Variants in LHFPL3 observed in about 807,000 individuals in gnomAD.
LHFPL3 encodes the protein LHFPL tetraspan subfamily member 3 protein.
Under a neutral mutation model 19.3 loss-of-function variants are expected in LHFPL3, and 5 were observed. The observed-to-expected ratio is 0.26, with a 90% confidence interval of 0.14 to 0.54. The LOEUF (loss-of-function observed/expected upper bound fraction) is 0.54, where lower values mean the gene tolerates loss of function less well. LHFPL3 is among the 20% of genes least tolerant of loss of function. The pLI, the probability that LHFPL3 is intolerant of heterozygous loss-of-function variation, is 0.94. For missense variants in LHFPL3, 249 were observed against 307.4 expected, an observed-to-expected ratio of 0.81 and a Z score of 1.42; for synonymous variants, 133 against 126.2, an observed-to-expected ratio of 1.05 and a Z score of -0.36.
chr7:104,412,570 G>A (rs1459588483), intron 1 of LHFPL3, among the ~76,000 whole-genome samples: 3 of 151,594 alleles, frequency 2.0e-5, no homozygotes. Context: ...GTAATTTCAG[G>A]GTGCAGGCAC....
chr7:104,656,238 CTTT>C (rs34805214), intron 1 of LHFPL3, among the ~76,000 whole-genome samples: 25 of 149,582 alleles, frequency 1.7e-4, no homozygotes, highest in African/African-American at 4.9e-4. Flanking sequence ...CCACAGAGGA[CTTT>C]TTTTTTTTTT....
intron 2 of LHFPL3, among the ~76,000 whole-genome samples, chr7:104,791,601 G>A (rs1168821583): frequency 6.6e-6 from 1 of 152,106 alleles, no homozygotes; most frequent in Non-Finnish European, 1.5e-5. Flanking sequence ...CAATGTTAAC[G>A]ACTAAAATTT....
chr7:104,583,180 T>C (rs1790495304), intron 1 of LHFPL3, among the ~76,000 whole-genome samples: 1 of 152,116 alleles, frequency 6.6e-6, no homozygotes, highest in South Asian at 2.1e-4. Flanking sequence ...ATCTGATCTT[T>C]GACAAACCTG....
chr7:104,444,749 G>T (rs184015015), intron 1 of LHFPL3, among the ~76,000 whole-genome samples: 1 of 152,278 alleles, frequency 6.6e-6, no homozygotes, highest in Non-Finnish European at 1.5e-5. Context: ...AGCACTTTGG[G>T]AGGCCGAGGC....
At chr7:104,571,084 T>G (rs1790222334) in intron 1 of LHFPL3, among the ~76,000 whole-genome samples, 1 of 152,224 alleles carries the variant, frequency 6.6e-6, no homozygotes. Context: ...AATGTTAATT[T>G]GATTATATTT....
intron 2 of LHFPL3, among the ~76,000 whole-genome samples, chr7:104,807,541 G>T (rs1790386793): frequency 6.6e-6 from 1 of 152,174 alleles, no homozygotes; most frequent in Non-Finnish European, 1.5e-5. Context: ...TGAATTTCGG[G>T]TTGACAAGAG....
At chr7:104,566,058 C>A (rs950158670) in intron 1 of LHFPL3, among the ~76,000 whole-genome samples, 1 of 152,020 alleles carries the variant, frequency 6.6e-6, no homozygotes, top group Non-Finnish European at 1.5e-5. Context: ...CGGAACTCAC[C>A]TTCTCATGGC....
At chr7:104,612,665 C>T (rs1198916100) in intron 1 of LHFPL3, among the ~76,000 whole-genome samples, 1 of 152,104 alleles carries the variant, frequency 6.6e-6, no homozygotes, top group Non-Finnish European at 1.5e-5. Flanking sequence ...CTGAAGACAC[C>T]GGTGCTGAAA....
intron 1 of LHFPL3, among the ~76,000 whole-genome samples, chr7:104,372,233 C>G (rs1385283438): frequency 1.3e-5 from 2 of 152,188 alleles, no homozygotes; most frequent in Non-Finnish European, 2.9e-5. Flanking sequence ...AATGAGGAAA[C>G]TACTTTTTCC....
intron 1 of LHFPL3, among the ~76,000 whole-genome samples, chr7:104,576,903 A>C (rs959861668): frequency 1.3e-5 from 2 of 152,162 alleles, no homozygotes; most frequent in African/African-American, 2.4e-5. Flanking sequence ...TCTCCCTTAC[A>C]GTCTCTCACT....
chr7:104,530,722 C>T (rs1439810503), intron 1 of LHFPL3, among the ~76,000 whole-genome samples: 1 of 152,168 alleles, frequency 6.6e-6, no homozygotes, highest in Non-Finnish European at 1.5e-5. Flanking sequence ...ACTGATTTAA[C>T]AGCGTATTGT....
At chr7:104,329,461 GC>G (rs1801529961) in intron 1 of LHFPL3, among the ~76,000 whole-genome samples, 1 of 152,366 alleles carries the variant, frequency 6.6e-6, no homozygotes, top group East Asian at 1.9e-4. Flanking sequence ...TGTGGGGGAC[GC>G]CCACTCAGAG....
At chr7:104,632,629 C>A (rs1302590797) in intron 1 of LHFPL3, among the ~76,000 whole-genome samples, 1 of 152,144 alleles carries the variant, frequency 6.6e-6, no homozygotes, top group Non-Finnish European at 1.5e-5. Flanking sequence ...TAGTTCAGGG[C>A]ACCATGTTAG....
At position 104,355,432 on chromosome 7, in the gene LHFPL3, A is replaced by G. The variant is rs781350842; in HGVS notation, c.445+26208A>G. 6.1e-4 allele frequency among the ~76,000 whole-genome samples: 93 copies of G among 152,202 alleles called. 1 individual carries two copies. The highest frequency in any genetic ancestry group is 2.1e-4 in the Non-Finnish European group (14 of 68,040). ...ATGGGGTGGTGCCCAGATGAATTTT[A>G]GTCCCCTGTGACCCAGACACTCTGC... is the stretch of plus-strand genomic sequence containing the variant. On this transcript the variant is annotated intron_variant, in intron 1 of 2. Coordinates refer to ENST00000424859, the MANE Select transcript of LHFPL3 (RefSeq NM_199000.3).
chr7:104,522,869 C>T (rs150807626), intron 1 of LHFPL3, among the ~76,000 whole-genome samples: 182 of 152,128 alleles, frequency 1.2e-3, no homozygotes, highest in Non-Finnish European at 2.0e-3. Flanking sequence ...CAGGGACATG[C>T]ACAGAGTGTT....
chr7:104,741,582 C>G (rs1377291376), intron 2 of LHFPL3, among the ~76,000 whole-genome samples: 1 of 150,918 alleles, frequency 6.6e-6, no homozygotes, highest in African/African-American at 2.4e-5. Context: ...GTTGCCCAGG[C>G]CAGAGAGCAG....
chr7:104,487,567 C>A (rs918972826), intron 1 of LHFPL3, among the ~76,000 whole-genome samples: 1 of 152,192 alleles, frequency 6.6e-6, no homozygotes, highest in Admixed American at 6.5e-5. Flanking sequence ...CCAGAGAAAA[C>A]CCATGCAGAC....
intron 1 of LHFPL3, among the ~76,000 whole-genome samples, chr7:104,353,865 T>A (rs1447230373): frequency 1.3e-5 from 2 of 152,198 alleles, no homozygotes; most frequent in Non-Finnish European, 2.9e-5. Context: ...GTTATGTGAC[T>A]TGTCCAGAGC....
At chr7:104,844,387 C>G (rs1791273158) in intron 2 of LHFPL3, among the ~76,000 whole-genome samples, 1 of 152,212 alleles carries the variant, frequency 6.6e-6, no homozygotes, top group African/African-American at 2.4e-5. Context: ...TCTAATTGAT[C>G]TGTGTGTGTA....
Sources: gnomAD v4.1 joint callset for allele counts (sites outside exome capture counted in the v4.1 genomes callset) on GRCh38, gnomAD v4.1.1 for gene constraint, MANE v1.5 for transcripts, NCBI Gene and HGNC (gene_info 2026-07-23, HGNC 2026-07-21) for gene names.